Variants in TMTC2 observed in about 807,000 individuals in gnomAD.
TMTC2 encodes transmembrane O-mannosyltransferase targeting cadherins 2, also known as protein O-mannosyl-transferase TMTC2.
In TMTC2, 43 loss-of-function variants were observed where a neutral mutation model predicts 82.4. The observed-to-expected ratio is 0.52, with a 90% CI of 0.41 to 0.67. The LOEUF is 0.67. TMTC2 is among the 30% of genes least tolerant of loss of function. TMTC2 has a pLI of 0.00. For missense variants in TMTC2, 919 were observed against 1,012.4 expected, an observed-to-expected ratio of 0.91 and a Z score of 1.25; for synonymous variants, 408 against 381.9, an observed-to-expected ratio of 1.07 and a Z score of -0.80.
chr12:82,690,877 G>T (rs1005233753), intron 1 of TMTC2, among the ~76,000 whole-genome samples: 17 of 152,088 alleles, frequency 1.1e-4, no homozygotes, highest in Non-Finnish European at 7.4e-5. Context: ...AAACTTCTCT[G>T]ACCCAAAACT....
chr12:82,909,406 C>T (rs1216780825), intron 3 of TMTC2, among the ~76,000 whole-genome samples: 1 of 152,122 alleles, frequency 6.6e-6, no homozygotes, highest in African/African-American at 2.4e-5. Flanking sequence ...GTGGTGCGAT[C>T]TCGGATCACT....
chr12:83,132,398 G>T lies in TMTC2; in HGVS notation c.*9G>T, dbSNP rs367855617. On this transcript the variant is annotated 3_prime_UTR_variant, in exon 12 of 12. Coordinates refer to ENST00000321196, the MANE Select transcript of TMTC2 (RefSeq NM_152588.3). The stretch of plus-strand genomic sequence containing the variant: ...AGACTTCTAAGACCTGACACAGGAG[G>T]CAGAAGCCCATCCTCCTCCATTTTT... 2 of 1,612,464 alleles carry T rather than the reference G, an allele frequency of 1.2e-6. No individual in the cohort carries two copies. Among genetic ancestry groups the T allele is most frequent in the Non-Finnish European group, 1.7e-6 (2 of 1,179,516 alleles).
chr12:82,815,676 AT>A (rs1868670621), intron 1 of TMTC2, among the ~76,000 whole-genome samples: 1 of 151,900 alleles, frequency 6.6e-6, no homozygotes, highest in African/African-American at 2.4e-5. Context: ...ATTTTGGCTT[AT>A]TTTATCCCAG....
rs574810478 is a variant in TMTC2 at position 83,043,508 on chromosome 12, T to C, written c.2153-7396T>C. ...AAAGTCCGCAGGTACAGATAGTTGCTTCCGGGATGCTGGCAATGTTCTGTT... is the reference window on the plus strand; with the variant it reads ...AAAGTCCGCAGGTACAGATAGTTGCCTCCGGGATGCTGGCAATGTTCTGTT... On this transcript the variant is annotated intron_variant, in intron 9 of 11. Transcript: ENST00000321196. Among the ~76,000 whole-genome samples the C allele has an allele frequency of 2.0e-5, 3 of 152,352 alleles. 1 individual carries two copies. Among genetic ancestry groups the C allele is most frequent in the African/African-American group, 7.2e-5 (3 of 41,584 alleles).
At chr12:82,983,003 A>T (rs1029513609) in intron 7 of TMTC2, among the ~76,000 whole-genome samples, 9 of 151,938 alleles carry the variant, frequency 5.9e-5, no homozygotes, top group Non-Finnish European at 1.2e-4. Flanking sequence ...AAATTGAAAA[A>T]CTGTTTCATC....
intron 11 of TMTC2, among the ~76,000 whole-genome samples, chr12:83,078,124 T>C (rs1009214108): frequency 1.1e-4 from 16 of 151,986 alleles, no homozygotes; most frequent in Non-Finnish European, 4.4e-5. Flanking sequence ...GATGAGAAAT[T>C]TGATAAGACA....
chr12:82,961,750 G>T (rs926305390), intron 4 of TMTC2, among the ~76,000 whole-genome samples: 10 of 151,916 alleles, frequency 6.6e-5, no homozygotes, highest in African/African-American at 2.4e-4. Flanking sequence ...GGTAATGTTG[G>T]TCCTCTGTCC....
At chr12:83,058,499 A>G (rs1441161878) in intron 10 of TMTC2, among the ~76,000 whole-genome samples, 1 of 151,774 alleles carries the variant, frequency 6.6e-6, no homozygotes, top group Non-Finnish European at 1.5e-5. Flanking sequence ...CCCAACAGCT[A>G]TGATAGGTAG....
intron 1 of TMTC2, among the ~76,000 whole-genome samples, chr12:82,731,231 A>G (rs1874794134): frequency 6.6e-6 from 1 of 152,266 alleles, no homozygotes; most frequent in Non-Finnish European, 1.5e-5. Context: ...TGTAATGTGT[A>G]GCACAAAAGG....
rs7314418 is a variant in TMTC2 at position 83,127,066 on chromosome 12, T to C, written c.2332-5144T>C. ...AGTATGCAGCCTTCCTTAAGTTATTTGATAGCTACTTTAAAAAGAGTGAGA... is the reference window on the plus strand; with the variant it reads ...AGTATGCAGCCTTCCTTAAGTTATTCGATAGCTACTTTAAAAAGAGTGAGA... On this transcript the variant is annotated intron_variant, in intron 11 of 11. Coordinates refer to ENST00000321196, the MANE Select transcript of TMTC2 (RefSeq NM_152588.3). Among the ~76,000 whole-genome samples, 569 of 152,208 alleles carry C rather than the reference T, an allele frequency of 3.7e-3. 2 individuals carry two copies. The highest frequency in any genetic ancestry group is 6.0e-3 in the Non-Finnish European group (410 of 67,986).
intron 1 of TMTC2, among the ~76,000 whole-genome samples, chr12:82,734,171 ATAC>A (rs1357161939): frequency 6.6e-6 from 1 of 152,226 alleles, no homozygotes; most frequent in African/African-American, 2.4e-5. Context: ...TGATGAGGTT[ATAC>A]GTAGGTTGAT....
chr12:82,819,224 A>G (rs1202716213), intron 1 of TMTC2, among the ~76,000 whole-genome samples: 1 of 152,078 alleles, frequency 6.6e-6, no homozygotes, highest in East Asian at 1.9e-4. Flanking sequence ...AATTTCTGTC[A>G]TTCTTGAACA....
chr12:82,696,964 GTATA>G (rs3993380), intron 1 of TMTC2, among the ~76,000 whole-genome samples: 4 of 141,536 alleles, frequency 2.8e-5, no homozygotes, highest in African/African-American at 7.9e-5. Context: ...ACATACATAC[GTATA>G]TATATATATA....
intron 8 of TMTC2, among the ~76,000 whole-genome samples, chr12:83,019,611 T>C (rs1880825329): frequency 6.6e-6 from 1 of 152,122 alleles, no homozygotes; most frequent in Non-Finnish European, 1.5e-5. Context: ...AAACTTGGCT[T>C]TCTTCCATTA....
At chr12:83,126,570 A>C (rs1885104001) in intron 11 of TMTC2, among the ~76,000 whole-genome samples, 1 of 152,154 alleles carries the variant, frequency 6.6e-6, no homozygotes, top group Non-Finnish European at 1.5e-5. Flanking sequence ...TAAGGGCCTG[A>C]ACCAAGTTGG....
intron 1 of TMTC2, among the ~76,000 whole-genome samples, chr12:82,763,152 A>G (rs1240774842): frequency 6.6e-6 from 1 of 151,704 alleles, no homozygotes; most frequent in Non-Finnish European, 1.5e-5. Flanking sequence ...AACACTGTAA[A>G]GCAGACAAAG....
intron 8 of TMTC2, among the ~76,000 whole-genome samples, chr12:83,026,235 A>T (rs986047606): frequency 6.6e-6 from 1 of 152,184 alleles, no homozygotes; most frequent in African/African-American, 2.4e-5. Context: ...ATGTATCAGG[A>T]AACTAGGGTA....
intron 8 of TMTC2, among the ~76,000 whole-genome samples, chr12:82,991,106 A>T (rs939397248): frequency 2.0e-5 from 3 of 152,172 alleles, no homozygotes; most frequent in Non-Finnish European, 4.4e-5. Flanking sequence ...TAAATGAAGA[A>T]TCTGAGCTTC....
In TMTC2 at chr12:83,010,778, G is replaced by A. The variant is rs142612217; in HGVS notation, c.2071-20020G>A. Among the ~76,000 whole-genome samples the A allele has an allele frequency of 2.8e-3, 431 of 152,038 alleles. 4 individuals are homozygous for A. Among genetic ancestry groups the A allele is most frequent in the Middle Eastern group, 0.024 (7 of 294 alleles). ...TGCCATATATTTTTATTTTCCCATC[G>A]CACAAGGCATAATGTGTATTGTATG... On this transcript the variant is annotated intron_variant, in intron 8 of 11. Coordinates refer to ENST00000321196, the MANE Select transcript of TMTC2 (RefSeq NM_152588.3).
Sources: gnomAD v4.1 joint callset for allele counts (sites outside exome capture counted in the v4.1 genomes callset) on GRCh38, gnomAD v4.1.1 for gene constraint, MANE v1.5 for transcripts, NCBI Gene and HGNC (gene_info 2026-07-23, HGNC 2026-07-21) for gene names.